The following PARVA variants were observed in gnomAD, a reference collection of about 807,000 sequenced individuals.
PARVA encodes the protein alpha-parvin.
A neutral mutation model predicts 52.6 loss-of-function variants in PARVA; 25 were observed. The observed-to-expected ratio is 0.48, with a 90% CI of 0.35 to 0.66. The LOEUF is 0.66. Ranked by LOEUF, PARVA falls within the 30% of genes least tolerant of loss-of-function variation. The probability of loss-of-function intolerance (pLI) is 0.01; values close to 1 mark genes in which losing one functional copy is unlikely to be tolerated. For synonymous variants in PARVA, 185 were observed against 179.1 expected (o/e 1.03, Z -0.26); for missense variants, 373 against 450.9 (o/e 0.83, Z 1.56).
chr11:12,410,526 T>C (rs1412005546), intron 1 of PARVA, among the ~76,000 whole-genome samples: 2 of 152,248 alleles, frequency 1.3e-5, no homozygotes, highest in African/African-American at 4.8e-5. Flanking sequence ...ATCCGAAGGA[T>C]TGCTATACGA....
At chr11:12,425,796 G>A (rs970580674) in intron 1 of PARVA, among the ~76,000 whole-genome samples, 1 of 152,174 alleles carries the variant, frequency 6.6e-6, no homozygotes, top group Non-Finnish European at 1.5e-5. Flanking sequence ...TATGGCAGAC[G>A]TTAAGAAATA....
rs373604861 is a variant in PARVA, at chr11:12,532,480, G to C, written c.*4555G>C. Among the ~76,000 whole-genome samples, 108 of 152,294 alleles carry C rather than the reference G, an allele frequency of 7.1e-4. 1 individual carries two copies. The highest frequency in any genetic ancestry group is 2.5e-3 in the African/African-American group (104 of 41,578). On this transcript the variant is annotated 3_prime_UTR_variant, in exon 13 of 13. Coordinates refer to ENST00000334956, the MANE Select transcript of PARVA (RefSeq NM_018222.5). ...TTCTAGGATGAGTACTCTGAACTCA[G>C]GACTTCATTTAGTCATATATTCGGC...
At chr11:12,496,704 G>A in intron 5 of PARVA, 106 bp downstream of exon 5, 10 of 1,090,156 alleles carry the variant, frequency 9.2e-6, no homozygotes, top group Non-Finnish European at 1.3e-5. Context: ...CAGGGGAGGG[G>A]GTCAAACTCA....
intron 4 of PARVA, among the ~76,000 whole-genome samples, chr11:12,487,863 C>T (rs960060229): frequency 1.3e-5 from 2 of 152,166 alleles, no homozygotes; most frequent in African/African-American, 2.4e-5. Context: ...GAATATTTCT[C>T]GTAATAGTCA....
intron 4 of PARVA, among the ~76,000 whole-genome samples, chr11:12,490,075 G>A (rs1318982261): frequency 6.6e-6 from 1 of 152,090 alleles, no homozygotes; most frequent in Non-Finnish European, 1.5e-5. Flanking sequence ...AATTAGCCGG[G>A]TGTGGTGGTG....
At chr11:12,489,417 T>C (rs1488581407) in intron 4 of PARVA, among the ~76,000 whole-genome samples, 1 of 151,892 alleles carries the variant, frequency 6.6e-6, no homozygotes, top group African/African-American at 2.4e-5. Flanking sequence ...AAGACAGCAC[T>C]AGAGAAATTA....
intron 6 of PARVA, among the ~76,000 whole-genome samples, chr11:12,507,989 TGGACGGAC>T (rs545349593): frequency 6.7e-6 from 1 of 149,756 alleles, no homozygotes; most frequent in Non-Finnish European, 1.5e-5. Context: ...GATGGATGGA[TGGACGGAC>T]GGACGGACGA....
intron 1 of PARVA, among the ~76,000 whole-genome samples, chr11:12,400,943 T>C (rs1243730006): frequency 6.6e-6 from 1 of 152,034 alleles, no homozygotes; most frequent in Non-Finnish European, 1.5e-5. Flanking sequence ...GGGGCTGGAG[T>C]CTGGCAATAA....
chr11:12,380,002 A>T (rs765640748), intron 1 of PARVA, among the ~76,000 whole-genome samples: 3 of 152,154 alleles, frequency 2.0e-5, no homozygotes, highest in African/African-American at 4.8e-5. Context: ...CTCTGTACCT[A>T]TCACTGTTGG....
At position 12,389,122 on chromosome 11, in the gene PARVA, C is replaced by T. The variant is rs2134951648; in HGVS notation, c.136+11339C>T. Among the ~76,000 whole-genome samples, 2 of 152,270 alleles carry T rather than the reference C, an allele frequency of 1.3e-5. 1 individual carries two copies. The highest frequency in any genetic ancestry group is 4.2e-4 in the South Asian group (2 of 4,814). ...GCTGAAAGTTTCTATTTGCTCTGGG[C>T]TGGCAGGACCAGATTACCTAAGGGG... On this transcript the variant is annotated intron_variant, in intron 1 of 12. Coordinates refer to ENST00000334956, the MANE Select transcript of PARVA (RefSeq NM_018222.5).
At chr11:12,466,775 T>C (rs1940859465) in intron 1 of PARVA, among the ~76,000 whole-genome samples, 1 of 152,214 alleles carries the variant, frequency 6.6e-6, no homozygotes, top group South Asian at 2.1e-4. Flanking sequence ...GTGATCATTT[T>C]AACAATTGAT....
intron 1 of PARVA, among the ~76,000 whole-genome samples, chr11:12,428,187 A>T (rs1940263984): frequency 6.6e-6 from 1 of 152,210 alleles, no homozygotes; most frequent in Non-Finnish European, 1.5e-5. Context: ...AAGTTGGGCA[A>T]ATGTGGAGTC....
intron 1 of PARVA, among the ~76,000 whole-genome samples, chr11:12,406,776 T>G (rs1483959627): frequency 2.1e-5 from 3 of 145,156 alleles, no homozygotes; most frequent in South Asian, 2.4e-4. Flanking sequence ...GTTCATACCA[T>G]TCTCCTGCCT....
chr11:12,521,797 A>T (rs546912952), intron 12 of PARVA, among the ~76,000 whole-genome samples: 3 of 152,296 alleles, frequency 2.0e-5, no homozygotes, highest in African/African-American at 7.2e-5. Context: ...GGGATGGAAG[A>T]GGTCTATGAG....
Position 12,507,235 on chromosome 11 carries a change from C to T in PARVA, c.658-1349C>T, listed in dbSNP as rs116574501. On this transcript the variant is annotated intron_variant, in intron 6 of 12. Coordinates refer to ENST00000334956, the MANE Select transcript of PARVA (RefSeq NM_018222.5). ...GAGAAGGCAGGGCTCAGATGAGCCA[C>T]CCAAGTTCAGAGGCTCCTTCCTTCT... is the stretch of plus-strand genomic sequence containing the variant. Among the ~76,000 whole-genome samples the T allele has an allele frequency of 5.7e-3, 867 of 152,268 alleles. 9 individuals carry two copies. Among genetic ancestry groups the T allele is most frequent in the African/African-American group, 0.02 (839 of 41,546 alleles).
chr11:12,390,045 G>A (rs1416212675), intron 1 of PARVA, among the ~76,000 whole-genome samples: 2 of 152,186 alleles, frequency 1.3e-5, no homozygotes, highest in Non-Finnish European at 2.9e-5. Flanking sequence ...TGAAAATGCA[G>A]CCCATCTCTT....
At chr11:12,462,508 A>G (rs1940796948) in intron 1 of PARVA, among the ~76,000 whole-genome samples, 1 of 152,216 alleles carries the variant, frequency 6.6e-6, no homozygotes. Flanking sequence ...GCCAGTAGAA[A>G]GGAACACAGC....
intron 1 of PARVA, among the ~76,000 whole-genome samples, chr11:12,395,171 G>A (rs1939723175): frequency 6.6e-6 from 1 of 150,914 alleles, no homozygotes; most frequent in Admixed American, 6.6e-5. Flanking sequence ...CTTTATTTTT[G>A]ATTCACGTTT....
At position 12,533,131 on chromosome 11, in the gene PARVA, A is replaced by C. The variant is rs10765959; in HGVS notation, c.*5206A>C. ...TAACCTGCTGCTGCTGATGGACAGG[A>C]ACTCCTGGACTACCCCCAGCCTCTC... On this transcript the variant is annotated 3_prime_UTR_variant, in exon 13 of 13. Transcript: ENST00000334956. Among the ~76,000 whole-genome samples, 68,435 of 151,994 alleles carry C rather than the reference A, an allele frequency of 0.45. 16,405 individuals are homozygous for C. The highest frequency in any genetic ancestry group is 0.6 in the African/African-American group (25,077 of 41,466).
Sources: allele counts gnomAD v4.1 joint callset (sites outside exome capture counted in the v4.1 genomes callset), GRCh38; gene constraint gnomAD v4.1.1; transcripts MANE v1.5; gene names NCBI Gene and HGNC (gene_info 2026-07-23, HGNC 2026-07-21).